The following NTRK3 variants were observed in gnomAD, a reference collection of about 807,000 sequenced individuals.
NTRK3 encodes the protein NT-3 growth factor receptor.
NTRK3 carries 24 observed loss-of-function variants against 91.7 expected under a neutral mutation model. That is an observed-to-expected ratio of 0.26 (90% CI 0.19 to 0.37). NTRK3 has a LOEUF of 0.37. NTRK3 is among the 10% of genes least tolerant of loss of function. The probability of loss-of-function intolerance (pLI) is 1.00; values close to 1 mark genes in which losing one functional copy is unlikely to be tolerated. For missense variants in NTRK3, 880 were observed against 1,068.9 expected, an observed-to-expected ratio of 0.82 and a Z score of 2.46; for synonymous variants, 483 against 404.0, an observed-to-expected ratio of 1.20 and a Z score of -2.34.
intron 3 of NTRK3, among the ~76,000 whole-genome samples, chr15:88,213,398 A>C (rs2141454968): frequency 6.6e-6 from 1 of 152,270 alleles, no homozygotes; most frequent in East Asian, 1.9e-4. Flanking sequence ...AAGGACAATG[A>C]AAGAGGAACA....
intron 13 of NTRK3, among the ~76,000 whole-genome samples, chr15:88,107,963 T>C (rs4887358): frequency 0.6 from 90,860 of 151,656 alleles, 28,144 homozygotes; most frequent in African/African-American, 0.76. Flanking sequence ...GCAAGCGACA[T>C]CCTAGAGATA....
At chr15:87,945,357 T>C (rs992958818) in intron 14 of NTRK3, among the ~76,000 whole-genome samples, 4 of 152,236 alleles carry the variant, frequency 2.6e-5, no homozygotes, top group Admixed American at 1.3e-4. Flanking sequence ...ACAAGATTTC[T>C]GTGTTTTAGT....
At chr15:88,117,749 A>C (rs1044247854) in intron 13 of NTRK3, among the ~76,000 whole-genome samples, 7 of 152,250 alleles carry the variant, frequency 4.6e-5, no homozygotes, top group African/African-American at 1.4e-4. Context: ...TCCAAGAGAA[A>C]ACAATAAAGA....
intron 14 of NTRK3, among the ~76,000 whole-genome samples, chr15:88,022,352 C>T (rs974183527): frequency 6.6e-6 from 1 of 152,112 alleles, no homozygotes; most frequent in Non-Finnish European, 1.5e-5. Flanking sequence ...CCTTCTTGGG[C>T]GCAACAATAA....
chr15:88,010,402 G>A (rs554497251), intron 14 of NTRK3, among the ~76,000 whole-genome samples: 20 of 152,210 alleles, frequency 1.3e-4, no homozygotes, highest in East Asian at 1.2e-3. Flanking sequence ...TCCAACCACC[G>A]CCTCTATAAT....
intron 14 of NTRK3, among the ~76,000 whole-genome samples, chr15:88,017,929 C>T (rs1209324524): frequency 6.6e-6 from 1 of 152,222 alleles, no homozygotes; most frequent in Non-Finnish European, 1.5e-5. Flanking sequence ...CTGCTCGACT[C>T]AGCAGAATCC....
chr15:88,007,701 T>A (rs1256119397), intron 14 of NTRK3, among the ~76,000 whole-genome samples: 1 of 152,226 alleles, frequency 6.6e-6, no homozygotes, highest in Non-Finnish European at 1.5e-5. Context: ...CCACCAGAGA[T>A]GTGCTCATTG....
At chr15:88,222,038 C>T (rs1326938618) in intron 3 of NTRK3, among the ~76,000 whole-genome samples, 3 of 152,198 alleles carry the variant, frequency 2.0e-5, no homozygotes, top group Non-Finnish European at 4.4e-5. Context: ...AAAGCATGAG[C>T]TAGAAAGGCC....
intron 6 of NTRK3, among the ~76,000 whole-genome samples, chr15:88,146,427 G>C (rs973742609): frequency 4.6e-5 from 7 of 152,198 alleles, no homozygotes; most frequent in African/African-American, 7.2e-5. Context: ...CCAAGTAAGA[G>C]GGAACACATG....
chr15:87,968,031 T>C (rs2072937687), intron 14 of NTRK3, among the ~76,000 whole-genome samples: 1 of 152,166 alleles, frequency 6.6e-6, no homozygotes, highest in Non-Finnish European at 1.5e-5. Flanking sequence ...TCAAGACCCT[T>C]TCAGGAGATT....
chr15:87,986,776 C>G (rs1329094235), intron 14 of NTRK3, among the ~76,000 whole-genome samples: 1 of 152,204 alleles, frequency 6.6e-6, no homozygotes, highest in Non-Finnish European at 1.5e-5. Flanking sequence ...GAGAATTTCT[C>G]CAGAGCAGTA....
rs371665073 is a variant in NTRK3, at chr15:87,976,620, T to C, written c.1586-35867A>G. On this transcript the variant is annotated intron_variant, in intron 14 of 18. Transcript: ENST00000394480. ...GTTACAGGGAGCATTTCAACTCTTCTAGCTGTGTCACTGCCAGGGTCCAAG... is the reference window on the plus strand; with the variant it reads ...GTTACAGGGAGCATTTCAACTCTTCCAGCTGTGTCACTGCCAGGGTCCAAG... Among the ~76,000 whole-genome samples the C allele has an allele frequency of 6.2e-4, 94 of 152,312 alleles. 1 individual carries two copies. The highest frequency in any genetic ancestry group is 2.2e-3 in the African/African-American group (91 of 41,570).
At chr15:87,898,453 G>A (rs929483091) in intron 17 of NTRK3, among the ~76,000 whole-genome samples, 3 of 152,130 alleles carry the variant, frequency 2.0e-5, no homozygotes, top group Non-Finnish European at 2.9e-5. Flanking sequence ...ACACTCAGGA[G>A]GAGCAGCTAA....
chr15:88,088,734 T>C (rs976125213), intron 13 of NTRK3, among the ~76,000 whole-genome samples: 1 of 152,142 alleles, frequency 6.6e-6, no homozygotes, highest in Non-Finnish European at 1.5e-5. Flanking sequence ...CTATATGAGC[T>C]AGTATTTATA....
In NTRK3 at chr15:87,871,103, T is replaced by G. The variant is rs114125812; in HGVS notation, c.*5832A>C. ...GAAGAGAATCTGAGTTTTATTTCTTTGATAAAGAATTCCAAGTACTTTGAA... is the reference window on the plus strand; with the variant it reads ...GAAGAGAATCTGAGTTTTATTTCTTGGATAAAGAATTCCAAGTACTTTGAA... On this transcript the variant is annotated 3_prime_UTR_variant, in exon 19 of 19. Coordinates refer to ENST00000394480, the Ensembl canonical transcript of NTRK3. The G allele has an allele frequency of 1.7e-3, 394 of 230,604 alleles. 1 individual carries two copies. Among genetic ancestry groups the G allele is most frequent in the African/African-American group, 7.7e-3 (348 of 45,338 alleles). 14.3% of individuals were successfully genotyped at this position (230,604 alleles called of 1,614,324 possible).
chr15:88,162,483 G>A (rs566270349), intron 5 of NTRK3, among the ~76,000 whole-genome samples: 17 of 152,292 alleles, frequency 1.1e-4, no homozygotes, highest in African/African-American at 4.1e-4. Context: ...GGGGAGAAGG[G>A]GGCCCACTCT....
chr15:88,197,332 T>G (rs769776680), intron 3 of NTRK3, among the ~76,000 whole-genome samples: 1 of 152,182 alleles, frequency 6.6e-6, no homozygotes, highest in Non-Finnish European at 1.5e-5. Context: ...GACAGCCTCA[T>G]GCCCAGAAGG....
intron 3 of NTRK3, among the ~76,000 whole-genome samples, chr15:88,229,870 C>T (rs1298473591): frequency 6.6e-6 from 1 of 152,262 alleles, no homozygotes; most frequent in Non-Finnish European, 1.5e-5. Flanking sequence ...TCTCACTGGA[C>T]TGACATCAGG....
intron 17 of NTRK3, among the ~76,000 whole-genome samples, chr15:87,900,662 G>A (rs898407362): frequency 2.6e-5 from 4 of 151,034 alleles, no homozygotes; most frequent in Non-Finnish European, 4.4e-5. Flanking sequence ...CCTAACACCT[G>A]CAGCATCAGC....
Sources: gnomAD v4.1 joint callset for allele counts (sites outside exome capture counted in the v4.1 genomes callset) on GRCh38, gnomAD v4.1.1 for gene constraint, MANE v1.5 for transcripts, NCBI Gene and HGNC (gene_info 2026-07-23, HGNC 2026-07-21) for gene names.